Variants in FCHO1 observed in about 807,000 individuals in gnomAD.
The protein encoded by FCHO1 is FCH and mu domain containing endocytic adaptor 1, also known as F-BAR domain only protein 1.
In FCHO1, 45 loss-of-function variants were observed where a neutral mutation model predicts 114.4. The observed-to-expected ratio is 0.39, with a 90% confidence interval of 0.31 to 0.50. FCHO1 has a LOEUF of 0.50. Ranked by LOEUF, FCHO1 falls within the 20% of genes least tolerant of loss-of-function variation. FCHO1 has a pLI of 0.77. For missense variants in FCHO1, 1,042 were observed against 1,209.6 expected, an observed-to-expected ratio of 0.86 and a Z score of 2.06; for synonymous variants, 480 against 488.9, an observed-to-expected ratio of 0.98 and a Z score of 0.24.
intron 4 of FCHO1, among the ~76,000 whole-genome samples, chr19:17,757,087 G>C (rs150858958): frequency 1.3e-5 from 2 of 151,710 alleles, no homozygotes; most frequent in African/African-American, 4.9e-5. Flanking sequence ...TACTCGAGAG[G>C]CTAAGGCAGG....
At chr19:17,759,809 T>A (rs1014796517) in intron 4 of FCHO1, among the ~76,000 whole-genome samples, 23 of 145,864 alleles carry the variant, frequency 1.6e-4, no homozygotes, top group Admixed American at 3.4e-4. Context: ...GGCACACGCC[T>A]GTTAAAAAAA....
chr19:17,781,382 G>A (rs370164834), intron 21 of FCHO1, 39 bp downstream of exon 21: 14 of 1,607,126 alleles, frequency 8.7e-6, no homozygotes, highest in Middle Eastern at 1.7e-4. Flanking sequence ...ACTGGGGGTC[G>A]CGTCTGGGGT....
Position 17,784,198 on chromosome 19 carries a change from C to T in FCHO1, c.2189C>T (p.Thr730Ile). 1.2e-6 allele frequency: 2 copies of T among 1,613,322 alleles called. No homozygotes were observed. The highest frequency in any genetic ancestry group is 2.2e-5 in the South Asian group (2 of 90,996). The change falls in exon 25 of 29, where the codon ACT (threonine) becomes ATT (isoleucine). Residue 730 changes from threonine to isoleucine, a missense_variant. By Grantham distance (89) the Thr-to-Ile change is moderately conservative (BLOSUM62 -1). This residue lies in a region of FCHO1 where 455 missense variants were observed against 455.4 expected (regional missense o/e 1.00). Coordinates refer to ENST00000596536, the MANE Select transcript of FCHO1 (RefSeq NM_015122.3). This position sits in a 1 kb window ranked among gnomAD's most constrained non-coding sequence, Gnocchi z 5.3. ...ALQRQAEQNP[T>I]ASYYNVVLLR... ...CAGCGCCAGGCAGAGCAGAACCCCACTGCCTCCTACTACAACGTGGTGCTG... is the reference window on the plus strand; with the variant it reads ...CAGCGCCAGGCAGAGCAGAACCCCATTGCCTCCTACTACAACGTGGTGCTG...
chr19:17,768,440 C>T (rs1200965909), intron 7 of FCHO1, among the ~76,000 whole-genome samples: 1 of 151,942 alleles, frequency 6.6e-6, no homozygotes, highest in Non-Finnish European at 1.5e-5. Context: ...GCCTGTAATC[C>T]CAGCACTTTG....
rs190678644 is a variant in FCHO1 at position 17,766,014 on chromosome 19, G to A, written c.195-655G>A. ...CGCCATTCTCCTGCCTCAGCCTCCC[G>A]AGTAGCTGGGACTACAGGTGCCCAC... On this transcript the variant is annotated intron_variant, in intron 6 of 28. Transcript: ENST00000596536. Among the ~76,000 whole-genome samples the A allele has an allele frequency of 7.2e-4, 104 of 144,280 alleles. 1 individual carries two copies. The highest frequency in any genetic ancestry group is 2.6e-3 in the African/African-American group (99 of 38,736). The allele number at this position is 144,280 out of a possible 152,430, so 94.7% of individuals were successfully genotyped here.
rs75438151 is a variant in FCHO1, at chr19:17,784,965, C to T, written c.2426+41C>T. On this transcript the variant is annotated intron_variant, in intron 26 of 28. Transcript: ENST00000596536. The surrounding 1 kb of genome is among the most constrained non-coding windows in gnomAD (Gnocchi z 5.3). ...AGGCCAAGGAAAACTCAGCAGTTTC[C>T]CCCATAACCCCAGACCTTCTCCCTG... 4.1e-4 allele frequency: 647 copies of T among 1,586,610 alleles called. 4 individuals carry two copies. The African/African-American group carries it at 7.5e-3, about 18-fold the overall frequency.
chr19:17,788,253 ACC>A, intron 28 of FCHO1, 29 bp from the exon 29 acceptor site: 1 of 346,784 alleles, frequency 2.9e-6, no homozygotes, highest in Non-Finnish European at 5.5e-6. Context: ...CCTCCTCCCC[ACC>A]CCTCCCCCTC....
At chr19:17,771,358 TAAAAAAAAAA>T (rs1269242537) in intron 9 of FCHO1, among the ~76,000 whole-genome samples, 1 of 112,664 alleles carries the variant, frequency 8.9e-6, no homozygotes, top group South Asian at 2.6e-4. Flanking sequence ...CAGGTGTATA[TAAAAAAAAAA>T]AAGAAAAGAA....
chr19:17,772,440 C>G lies in FCHO1; in HGVS notation c.595-17C>G, dbSNP rs368303042. ...GCCCTGACCTCCTTTCCACCTGCCT[C>G]TGCCCTCCTGCTTCAGCGCTTCCAA... On this transcript the variant is annotated splice_polypyrimidine_tract_variant and intron_variant, in intron 9 of 28. Coordinates refer to ENST00000596536, the MANE Select transcript of FCHO1 (RefSeq NM_015122.3). 1.5e-4 allele frequency: 235 copies of G among 1,608,726 alleles called. No homozygotes were observed. Among genetic ancestry groups the G allele is most frequent in the Non-Finnish European group, 1.9e-4 (221 of 1,175,498 alleles).
chr19:17,778,315 C>G (rs1195494169), intron 19 of FCHO1, 87 bp downstream of exon 19: 5 of 1,147,918 alleles, frequency 4.4e-6, no homozygotes, highest in East Asian at 2.4e-5. Context: ...ATGAGGTCCC[C>G]TGGAAGCCAG....
chr19:17,750,894 G>T (rs1362637955), upstream of FCHO1, among the ~76,000 whole-genome samples: 1 of 140,984 alleles, frequency 7.1e-6, no homozygotes, highest in Non-Finnish European at 1.5e-5. Flanking sequence ...GCGCAATCTC[G>T]GCTCACTGCA....
rs1210138013 is a variant in FCHO1, at chr19:17,787,848, T to C, written c.2647+2T>C. 3.7e-6 allele frequency: 6 copies of C among 1,612,294 alleles called. No homozygotes were observed. The highest frequency in any genetic ancestry group is 5.1e-6 in the Non-Finnish European group (6 of 1,179,420). On this transcript the variant is annotated splice_donor_variant, in intron 28 of 28. Transcript: ENST00000596536. LOFTEE classifies it high-confidence loss of function. ...TGGTGAAGAGGAGGTTTGCCACAGG[T>C]ACTCCCCAACCCTGCTGCTGGGTGA... is the stretch of plus-strand genomic sequence containing the variant.
chr19:17,767,776 C>T (rs996510760), intron 7 of FCHO1, among the ~76,000 whole-genome samples: 2 of 152,182 alleles, frequency 1.3e-5, no homozygotes, highest in Non-Finnish European at 2.9e-5. Flanking sequence ...GGCACTGCAG[C>T]GACAGATTCA....
In FCHO1 at chr19:17,766,799, A is replaced by AC. The variant is rs2089338520; in HGVS notation, c.328dup (p.His110ProfsTer58). ...CCGCTACGGCGAGGAACAGCTCAAGACCCACAAGAAGGTGTGTGTCGTGGG... is the reference window on the plus strand; with the variant it reads ...CCGCTACGGCGAGGAACAGCTCAAGACCCCACAAGAAGGTGTGTGTCGTGGG... On this transcript the variant is annotated frameshift_variant, in exon 7 of 29. Transcript: ENST00000596536. LOFTEE classifies it high-confidence loss of function. 6.2e-7 allele frequency: 1 copy of AC among 1,613,796 alleles called. No homozygotes were observed. The highest frequency in any genetic ancestry group is 8.5e-7 in the Non-Finnish European group (1 of 1,179,892).
intron 6 of FCHO1, among the ~76,000 whole-genome samples, chr19:17,765,882 C>CT (rs397859350): frequency 0.058 from 3,470 of 60,164 alleles, 355 homozygotes; most frequent in African/African-American, 0.13. Flanking sequence ...CTTAGTCACT[C>CT]TTTTTTTTTT....
At chr19:17,762,670 G>A (rs750259690) in intron 4 of FCHO1, 92 bp from the exon 5 acceptor site, 7 of 900,482 alleles carry the variant, frequency 7.8e-6, no homozygotes, top group Non-Finnish European at 1.1e-5. Flanking sequence ...CAGCCAAGGG[G>A]ATGGACTTCT....
At chr19:17,765,126 A>C (rs954490448) in intron 6 of FCHO1, among the ~76,000 whole-genome samples, 1 of 151,176 alleles carries the variant, frequency 6.6e-6, no homozygotes, top group Non-Finnish European at 1.5e-5. Flanking sequence ...GAGATCGGGC[A>C]CTTTCTCTGG....
chr19:17,748,558 G>C (rs1392543716), upstream of FCHO1, among the ~76,000 whole-genome samples: 1 of 150,080 alleles, frequency 6.7e-6, no homozygotes, highest in Non-Finnish European at 1.5e-5. Flanking sequence ...GCTAGCATCT[G>C]TTTCTGGGGA....
In FCHO1 at chr19:17,764,157, A is replaced by T. The variant is rs556778709; in HGVS notation, c.120-218A>T. 4.0e-5 allele frequency among the ~76,000 whole-genome samples: 6 copies of T among 151,768 alleles called. No individual in the cohort carries two copies. In the South Asian group the frequency reaches 1.0e-3, roughly 26 times the overall value. The stretch of plus-strand genomic sequence containing the variant: ...TAGGTTCAAGCGATTTTCATGCCTC[A>T]ACTTCCCCAGTAGCTGGGAATTACA... On this transcript the variant is annotated intron_variant, in intron 5 of 28. Transcript: ENST00000596536.
Sources: gnomAD v4.1 joint callset for allele counts (sites outside exome capture counted in the v4.1 genomes callset) on GRCh38, gnomAD v4.1.1 for gene constraint, gnomAD v4.1.1 regional missense constraint, Gnocchi (gnomAD v3.1) non-coding constraint, MANE v1.5 for transcripts, NCBI Gene and HGNC (gene_info 2026-07-23, HGNC 2026-07-21) for gene names.